GPC5: variants seen among roughly 807,000 people sequenced by gnomAD.
The protein encoded by GPC5 is glypican 5.
Under a neutral mutation model 53.9 loss-of-function variants are expected in GPC5, and 47 were observed. That is an observed-to-expected ratio of 0.87 (90% CI 0.69 to 1.11). GPC5 has a LOEUF of 1.11. GPC5 is among the 50% of genes most tolerant of loss of function. GPC5 has a pLI of 0.00. For missense variants in GPC5, 748 were observed against 713.1 expected (o/e 1.05, Z -0.56); for synonymous variants, 286 against 263.3 (o/e 1.09, Z -0.84).
intron 3 of GPC5, among the ~76,000 whole-genome samples, chr13:91,700,347 A>G (rs1319990848): frequency 6.6e-6 from 1 of 152,202 alleles, no homozygotes. Context: ...TTGTGATTTT[A>G]TCTTTCTGTT....
chr13:91,546,125 G>T (rs2030274148), intron 2 of GPC5, among the ~76,000 whole-genome samples: 1 of 151,942 alleles, frequency 6.6e-6, no homozygotes, highest in South Asian at 2.1e-4. Flanking sequence ...ACATCATTTA[G>T]GATAATATCA....
At chr13:92,607,511 T>C (rs1032843698) in intron 7 of GPC5, among the ~76,000 whole-genome samples, 1 of 151,448 alleles carries the variant, frequency 6.6e-6, no homozygotes, top group African/African-American at 2.5e-5. Context: ...AAGAACAGAC[T>C]TTTTTTCCTT....
At chr13:92,042,362 C>T (rs560285802) in intron 6 of GPC5, among the ~76,000 whole-genome samples, 50 of 152,194 alleles carry the variant, frequency 3.3e-4, no homozygotes, top group Non-Finnish European at 6.0e-4. Flanking sequence ...GCCTCCAAGA[C>T]ATACATCCAA....
chr13:91,541,601 A>G (rs2029931177), intron 2 of GPC5, among the ~76,000 whole-genome samples: 2 of 152,078 alleles, frequency 1.3e-5, no homozygotes, highest in Admixed American at 1.3e-4. Flanking sequence ...TTTATTCTTC[A>G]GTATAAATAT....
chr13:91,988,402 A>G (rs924111755), intron 6 of GPC5, among the ~76,000 whole-genome samples: 1 of 152,194 alleles, frequency 6.6e-6, no homozygotes, highest in Non-Finnish European at 1.5e-5. Flanking sequence ...GCTTCGCAGC[A>G]TGAAATCTTT....
At chr13:92,829,876 G>T (rs561726511) in intron 7 of GPC5, among the ~76,000 whole-genome samples, 1 of 152,078 alleles carries the variant, frequency 6.6e-6, no homozygotes, top group East Asian at 1.9e-4. Context: ...TTGCTAAGCA[G>T]TATAAAAGTA....
rs187762056 is a variant in GPC5 at position 91,498,831 on chromosome 13, C to T, written c.325+49909C>T. ...CAAAAAAATACAAAAATTAGCTGGG[C>T]GTGGTGGTGCCTGCCTATGATCTTG... On this transcript the variant is annotated intron_variant, in intron 2 of 7. Coordinates refer to ENST00000377067, the MANE Select transcript of GPC5 (RefSeq NM_004466.6). 9.9e-5 allele frequency among the ~76,000 whole-genome samples: 15 copies of T among 151,884 alleles called. No homozygotes were observed. The East Asian group carries it at 2.1e-3, about 22-fold the overall frequency.
At chr13:92,223,998 T>C (rs1276401156) in intron 7 of GPC5, among the ~76,000 whole-genome samples, 1 of 152,058 alleles carries the variant, frequency 6.6e-6, no homozygotes, top group Non-Finnish European at 1.5e-5. Flanking sequence ...AAAATAAGCA[T>C]CTAGTATACA....
intron 2 of GPC5, among the ~76,000 whole-genome samples, chr13:91,465,382 C>G (rs1882171629): frequency 6.6e-6 from 1 of 152,118 alleles, no homozygotes; most frequent in Non-Finnish European, 1.5e-5. Context: ...TTAATTTTGC[C>G]TTTTCCAGAA....
At chr13:92,729,499 CCTTTTT>C (rs1207442261) in intron 7 of GPC5, among the ~76,000 whole-genome samples, 1 of 151,268 alleles carries the variant, frequency 6.6e-6, no homozygotes, top group African/African-American at 2.4e-5. Flanking sequence ...ATCAATTTTA[CCTTTTT>C]CTTTTTCATC....
At chr13:91,732,167 C>G (rs2036713905) in intron 4 of GPC5, among the ~76,000 whole-genome samples, 1 of 152,194 alleles carries the variant, frequency 6.6e-6, no homozygotes, top group South Asian at 2.1e-4. Context: ...AAAAGCATTC[C>G]TATTTCTCCA....
chr13:91,922,047 TG>T (rs2039720795), intron 6 of GPC5, among the ~76,000 whole-genome samples: 2 of 152,068 alleles, frequency 1.3e-5, no homozygotes, highest in Non-Finnish European at 1.5e-5. Context: ...AGGGAGTTGG[TG>T]GTAAAACAGA....
At chr13:92,314,557 A>G (rs1280926131) in intron 7 of GPC5, among the ~76,000 whole-genome samples, 1 of 152,246 alleles carries the variant, frequency 6.6e-6, no homozygotes, top group African/African-American at 2.4e-5. Flanking sequence ...TTCCATGTGT[A>G]GCATCGCTGG....
intron 2 of GPC5, among the ~76,000 whole-genome samples, chr13:91,468,542 A>G (rs1434019423): frequency 6.6e-6 from 1 of 152,174 alleles, no homozygotes; most frequent in Non-Finnish European, 1.5e-5. Context: ...TCTTCAAGTC[A>G]GGGGTTGCCT....
At chr13:92,421,026 A>G (rs1160426201) in intron 7 of GPC5, among the ~76,000 whole-genome samples, 2 of 152,220 alleles carry the variant, frequency 1.3e-5, no homozygotes, top group South Asian at 4.1e-4. Flanking sequence ...AAAAGTCCCA[A>G]ACCACTAAGG....
At position 91,644,456 on chromosome 13, in the gene GPC5, A is replaced by G. The variant is rs563239766; in HGVS notation, c.326-48731A>G. ...ATGGGAATTTGAAAAATATTATTTCATCATATTACTTGGCACCAGGTATTT... is the reference window on the plus strand; with the variant it reads ...ATGGGAATTTGAAAAATATTATTTCGTCATATTACTTGGCACCAGGTATTT... On this transcript the variant is annotated intron_variant, in intron 2 of 7. Transcript: ENST00000377067. 6.4e-4 allele frequency among the ~76,000 whole-genome samples: 97 copies of G among 152,308 alleles called. 1 individual carries two copies. In the Middle Eastern group the frequency reaches 0.017, roughly 27 times the overall value.
At chr13:91,926,405 T>C (rs2039768685) in intron 6 of GPC5, among the ~76,000 whole-genome samples, 1 of 151,558 alleles carries the variant, frequency 6.6e-6, no homozygotes, top group Non-Finnish European at 1.5e-5. Context: ...TTGGAGTATA[T>C]TAATAAGCAT....
intron 6 of GPC5, among the ~76,000 whole-genome samples, chr13:91,924,868 T>C (rs1236628930): frequency 4.0e-5 from 6 of 151,892 alleles, no homozygotes; most frequent in Non-Finnish European, 8.8e-5. Context: ...TGTCTTGCTG[T>C]CTCCAAGGCT....
intron 2 of GPC5, among the ~76,000 whole-genome samples, chr13:91,577,885 A>AAG (rs1811116402): frequency 6.6e-6 from 1 of 152,204 alleles, no homozygotes; most frequent in African/African-American, 2.4e-5. Flanking sequence ...ATTCCTTTCG[A>AAG]AAGATGGAAC....
Sources: allele counts gnomAD v4.1 joint callset (sites outside exome capture counted in the v4.1 genomes callset), GRCh38; gene constraint gnomAD v4.1.1; transcripts MANE v1.5; gene names NCBI Gene and HGNC (gene_info 2026-07-23, HGNC 2026-07-21).